The following LIPG variants were observed in gnomAD, a reference collection of about 807,000 sequenced individuals.
LIPG encodes the protein lipase G, endothelial type.
In LIPG, 34 loss-of-function variants were observed where a neutral mutation model predicts 51.8. The observed-to-expected ratio is 0.66, with a 90% CI of 0.50 to 0.87. The LOEUF (loss-of-function observed/expected upper bound fraction) is 0.87. Among genes scored for constraint, LIPG ranks in the 40% least tolerant of loss-of-function variants. The probability of loss-of-function intolerance (pLI) is 0.00; values close to 1 mark genes in which losing one functional copy is unlikely to be tolerated. For synonymous variants in LIPG, 246 were observed against 246.1 expected, an observed-to-expected ratio of 1.00 and a Z score of 0.00; for missense variants, 580 against 652.7, an observed-to-expected ratio of 0.89 and a Z score of 1.21.
At chr18:49,583,955 A>G (rs971525561) in intron 8 of LIPG, among the ~76,000 whole-genome samples, 181 bp downstream of exon 8, 10 of 152,262 alleles carry the variant, frequency 6.6e-5, no homozygotes, top group Non-Finnish European at 1.0e-4. Context: ...CAAAACTGTT[A>G]CGCATCTCAT....
upstream of LIPG, chr18:49,561,538 T>G: frequency 7.4e-6 from 4 of 542,658 alleles, no homozygotes; most frequent in Middle Eastern, 5.3e-4. Context: ...CCGCGCCTTC[T>G]GCACCTGTTG....
At chr18:49,578,081 A>C (rs1331619153) in intron 5 of LIPG, among the ~76,000 whole-genome samples, 90 of 89,398 alleles carry the variant, frequency 1.0e-3, no homozygotes, top group South Asian at 1.2e-3. Flanking sequence ...CTGGCCCCCC[A>C]CCTCCCTCCC....
At chr18:49,577,041 A>G (rs1243608399) in intron 5 of LIPG, among the ~76,000 whole-genome samples, 1 of 146,592 alleles carries the variant, frequency 6.8e-6, no homozygotes, top group Non-Finnish European at 1.5e-5. Context: ...TTTTTTATTG[A>G]TAATTCTTGG....
chr18:49,566,538 T>C (rs143709634), intron 2 of LIPG, among the ~76,000 whole-genome samples: 107 of 152,322 alleles, frequency 7.0e-4, no homozygotes, highest in Middle Eastern at 3.4e-3. Flanking sequence ...AATGTGCTTG[T>C]GGATAGGTTT....
At chr18:49,568,946 G>A (rs1658991740) in intron 3 of LIPG, among the ~76,000 whole-genome samples, 1 of 152,150 alleles carries the variant, frequency 6.6e-6, no homozygotes, top group African/African-American at 2.4e-5. Context: ...TGCTCTGACA[G>A]GGGACAATGC....
chr18:49,570,429 T>C (rs1404942892), intron 4 of LIPG, among the ~76,000 whole-genome samples: 1 of 152,238 alleles, frequency 6.6e-6, no homozygotes, highest in Non-Finnish European at 1.5e-5. Flanking sequence ...TCCAGCATTA[T>C]TTTATTTAAA....
At position 49,591,144 on chromosome 18, in the gene LIPG, A is replaced by G. The variant is rs538629035; in HGVS notation, c.*622A>G. On this transcript the variant is annotated 3_prime_UTR_variant, in exon 10 of 10. Transcript: ENST00000261292. ...TCATTTTTTAATTGAGCAAATGTCT[A>G]TTGAACACTTAAAATTAATTAGAAT... 1.1e-4 allele frequency: 18 copies of G among 163,284 alleles called. No individual in the cohort carries two copies. The highest frequency in any genetic ancestry group is 3.1e-4 in the African/African-American group (13 of 41,708). 10.1% of individuals were successfully genotyped at this position (163,284 alleles called of 1,614,324 possible). A position where few individuals can be genotyped will look rare whatever the true frequency, so the allele number is the denominator to read the frequency against.
In LIPG at chr18:49,569,385, G is replaced by A. The variant is rs979741383; in HGVS notation, c.460-52G>A. 2.7e-6 allele frequency: 4 copies of A among 1,457,844 alleles called. No homozygotes were observed. The African/African-American group carries it at 5.6e-5, about 20-fold the overall frequency. The allele number at this position is 1,457,844 out of a possible 1,614,324, so 90.3% of individuals were successfully genotyped here. A position where few individuals can be genotyped will look rare whatever the true frequency, so the allele number is the denominator to read the frequency against. On this transcript the variant is annotated intron_variant, in intron 3 of 9. Transcript: ENST00000261292. ...GAGTTGTTGAACTGCTGGTGATTCT[G>A]GGGGCTCTGGACCCTGCTCTTCTGC...
At chr18:49,561,867 G>T (rs1428267028), upstream of LIPG, 1 of 1,269,892 alleles carries the variant, frequency 7.9e-7, no homozygotes, top group African/African-American at 1.5e-5. Context: ...GAGGAAGCGG[G>T]GCCGAGCGTG....
At position 49,595,019 on chromosome 18, in the gene LIPG, C is replaced by G. The variant is rs1401376809; in HGVS notation, c.*4497C>G. On this transcript the variant is annotated 3_prime_UTR_variant, in exon 10 of 10. Transcript: ENST00000261292. The stretch of plus-strand genomic sequence containing the variant: ...GGAACTTCCACAGGACTTCCTTTGA[C>G]TCTCCAAACAAGCTGAAGCCCCAGA... 2.6e-5 allele frequency: 4 copies of G among 152,184 alleles called. No homozygotes were observed. Among genetic ancestry groups the G allele is most frequent in the African/African-American group, 9.7e-5 (4 of 41,446 alleles). 9.4% of individuals were successfully genotyped at this position (152,184 alleles called of 1,614,324 possible). A position where few individuals can be genotyped will look rare whatever the true frequency, so the allele number is the denominator to read the frequency against.
chr18:49,568,543 A>G lies in LIPG; in HGVS notation c.460-894A>G, dbSNP rs561953787. ...TTACAGGTGTGAGCCACCATGCCCA[A>G]TTAATTTTTGTATTTTTAGTAGAGA... On this transcript the variant is annotated intron_variant, in intron 3 of 9. Coordinates refer to ENST00000261292, the MANE Select transcript of LIPG (RefSeq NM_006033.4). 1.8e-3 allele frequency among the ~76,000 whole-genome samples: 276 copies of G among 151,348 alleles called. 2 individuals carry two copies. The highest frequency in any genetic ancestry group is 3.6e-3 in the Non-Finnish European group (241 of 67,840).
chr18:49,573,161 G>A (rs986866981), intron 4 of LIPG, among the ~76,000 whole-genome samples: 2 of 152,216 alleles, frequency 1.3e-5, no homozygotes, highest in Non-Finnish European at 2.9e-5. Context: ...GGGGACCTTT[G>A]TTCACACCAA....
At chr18:49,573,304 T>C (rs113225247) in intron 4 of LIPG, among the ~76,000 whole-genome samples, 4,234 of 152,262 alleles carry the variant, frequency 0.028, 191 homozygotes, top group African/African-American at 0.095. Flanking sequence ...CTGAAATGGG[T>C]TGTCGTGGGC....
chr18:49,566,695 ACT>A (rs2039244883), intron 2 of LIPG, among the ~76,000 whole-genome samples: 1 of 151,962 alleles, frequency 6.6e-6, no homozygotes, highest in South Asian at 2.1e-4. Flanking sequence ...TCATTTGTTA[ACT>A]CTGCATTCAC....
upstream of LIPG, chr18:49,561,703 G>C: frequency 8.0e-7 from 1 of 1,244,812 alleles, no homozygotes; most frequent in Non-Finnish European, 1.0e-6. Flanking sequence ...CCTTCTCCAG[G>C]GATCGCCTCC....
rs927078104 is a variant in LIPG at position 49,596,765 on chromosome 18, T to G, written c.*6243T>G. 1 of 153,070 alleles carries G rather than the reference T, an allele frequency of 6.5e-6. No individual in the cohort carries two copies. The highest frequency in any genetic ancestry group is 1.5e-5 in the Non-Finnish European group (1 of 68,706). 9.5% of individuals were successfully genotyped at this position (153,070 alleles called of 1,614,324 possible). On this transcript the variant is annotated 3_prime_UTR_variant, in exon 10 of 10. Transcript: ENST00000261292. ...TTCTTTTCTGTCCGCCCTGGTCCCC[T>G]GGTGCCCCCTTTCCTGGCCCCTGTG... is the stretch of plus-strand genomic sequence containing the variant.
Position 49,583,549 on chromosome 18 carries a change from C to T in LIPG, c.1158-7C>T. On this transcript the variant is annotated splice_region_variant and splice_polypyrimidine_tract_variant and intron_variant, in intron 7 of 9. Transcript: ENST00000261292. ...GGGAGTGAGATCAGCTTCTCTCCCACTTGTAGAGTGGAGCGGATCGAGCAG... is the reference window on the plus strand; with the variant it reads ...GGGAGTGAGATCAGCTTCTCTCCCATTTGTAGAGTGGAGCGGATCGAGCAG... The T allele has an allele frequency of 6.2e-7, 1 of 1,613,704 alleles. No homozygotes were observed. Among genetic ancestry groups the T allele is most frequent in the South Asian group, 1.1e-5 (1 of 91,072 alleles).
chr18:49,587,946 G>A (rs1309191525), intron 9 of LIPG, among the ~76,000 whole-genome samples: 5 of 152,070 alleles, frequency 3.3e-5, no homozygotes, highest in African/African-American at 7.2e-5. Context: ...TTGCCACCAC[G>A]CTGAGCTAAT....
At chr18:49,569,848 A>G (rs557439582) in intron 4 of LIPG, among the ~76,000 whole-genome samples, 2 of 152,234 alleles carry the variant, frequency 1.3e-5, no homozygotes, top group African/African-American at 2.4e-5. Flanking sequence ...CCCTATAGGC[A>G]TCTCAGAGTC....
Sources: gnomAD v4.1 joint callset for allele counts (sites outside exome capture counted in the v4.1 genomes callset) on GRCh38, gnomAD v4.1.1 for gene constraint, MANE v1.5 for transcripts, NCBI Gene and HGNC (gene_info 2026-07-23, HGNC 2026-07-21) for gene names.